The following BCAT1 variants were observed in gnomAD, a reference collection of about 807,000 sequenced individuals.
BCAT1 encodes branched chain amino acid transaminase 1.
A neutral mutation model predicts 52.4 loss-of-function variants in BCAT1; 48 were observed. The observed-to-expected ratio is 0.92, with a 90% confidence interval of 0.73 to 1.16. The LOEUF is 1.16. BCAT1 is among the 50% of genes most tolerant of loss of function. BCAT1 has a pLI of 0.00. For synonymous variants in BCAT1, 167 were observed against 161.3 expected (o/e 1.04, Z -0.27); for missense variants, 451 against 457.1 (o/e 0.99, Z 0.12).
At chr12:24,866,171 C>T (rs890205102) in intron 5 of BCAT1, among the ~76,000 whole-genome samples, 3 of 152,176 alleles carry the variant, frequency 2.0e-5, no homozygotes, top group African/African-American at 4.8e-5. Flanking sequence ...ACATTCGGAG[C>T]GACCGGCTGG....
chr12:24,831,677 T>C (rs958939351), intron 9 of BCAT1, among the ~76,000 whole-genome samples: 1 of 152,196 alleles, frequency 6.6e-6, no homozygotes, highest in Non-Finnish European at 1.5e-5. Flanking sequence ...AAAAGTTGTA[T>C]GTGGATTTTT....
chr12:24,939,049 T>C (rs1331341761), intron 1 of BCAT1, among the ~76,000 whole-genome samples: 2 of 152,144 alleles, frequency 1.3e-5, no homozygotes, highest in African/African-American at 4.8e-5. Flanking sequence ...AATTTTTGTA[T>C]GTTTAGTAGA....
rs77920285 is a variant in BCAT1, at chr12:24,889,667, T to C, written c.279+4608A>G. 7.4e-3 allele frequency among the ~76,000 whole-genome samples: 1,132 copies of C among 152,322 alleles called. 9 individuals are homozygous for C. Among genetic ancestry groups the C allele is most frequent in the African/African-American group, 0.026 (1,096 of 41,580 alleles). On this transcript the variant is annotated intron_variant, in intron 3 of 10. Coordinates refer to ENST00000261192, the MANE Select transcript of BCAT1 (RefSeq NM_005504.7). ...AGGAAGCAGAATCTCTCTGACCTTC[T>C]CCTGCCCTCCTTTCTAACTGTGAGT...
At position 24,811,471 on chromosome 12, in the gene BCAT1, C is replaced by A. The variant is rs913370281; in HGVS notation, c.*6537G>T. ...CTATTGCCAGCAAAATACAATTATT[C>A]CATGCCCTCTCAACATACAAATATA... On this transcript the variant is annotated 3_prime_UTR_variant, in exon 11 of 11. Transcript: ENST00000261192. 3.3e-5 allele frequency: 5 copies of A among 152,058 alleles called. No homozygotes were observed. The highest frequency in any genetic ancestry group is 1.2e-4 in the African/African-American group (5 of 41,396). 9.4% of individuals were successfully genotyped at this position (152,058 alleles called of 1,614,324 possible).
chr12:24,903,124 C>A (rs1290706764), intron 1 of BCAT1: 1 of 1,319,412 alleles, frequency 7.6e-7, no homozygotes, highest in Non-Finnish European at 9.6e-7. Flanking sequence ...TGGGGCCGCG[C>A]GCCAGGGCCA....
At chr12:24,943,469 G>A (rs1267370062) in intron 1 of BCAT1, among the ~76,000 whole-genome samples, 1 of 120,542 alleles carries the variant, frequency 8.3e-6, no homozygotes, top group African/African-American at 2.9e-5. Context: ...CTCCAGCCTA[G>A]GTGACAGAAT....
intron 1 of BCAT1, among the ~76,000 whole-genome samples, chr12:24,937,549 T>A (rs1943780243): frequency 6.6e-6 from 1 of 152,186 alleles, no homozygotes; most frequent in African/African-American, 2.4e-5. Flanking sequence ...AGGGTGTCAC[T>A]CTGTAGCCCA....
chr12:24,901,226 C>T (rs1943094150), intron 2 of BCAT1, among the ~76,000 whole-genome samples: 1 of 152,138 alleles, frequency 6.6e-6, no homozygotes, highest in Non-Finnish European at 1.5e-5. Flanking sequence ...GTGACTCAAA[C>T]AGGCAGAAGA....
intron 5 of BCAT1, among the ~76,000 whole-genome samples, chr12:24,859,766 T>A (rs1941799668): frequency 6.6e-6 from 1 of 152,140 alleles, no homozygotes. Flanking sequence ...CTTTCCAAAA[T>A]CAAATTCTAT....
At chr12:24,853,463 A>G (rs949938286) in intron 5 of BCAT1, among the ~76,000 whole-genome samples, 3 of 152,194 alleles carry the variant, frequency 2.0e-5, no homozygotes, top group African/African-American at 4.8e-5. Flanking sequence ...GGGGGAGGGG[A>G]AAAGTGTTTA....
intron 1 of BCAT1, chr12:24,904,601 C>T (rs1229808840): frequency 6.6e-6 from 1 of 152,314 alleles, no homozygotes. Context: ...TTTGTTCCTG[C>T]CAATGGTTTT....
At chr12:24,836,630 T>C in intron 7 of BCAT1, 34 bp from the exon 8 acceptor site, 2 of 1,539,734 alleles carry the variant, frequency 1.3e-6, no homozygotes, top group Non-Finnish European at 1.8e-6. Context: ...TTTCAAACTT[T>C]CACTACATTA....
At chr12:24,929,411 A>G (rs1565502950) in intron 1 of BCAT1, among the ~76,000 whole-genome samples, 1 of 152,234 alleles carries the variant, frequency 6.6e-6, no homozygotes, top group African/African-American at 2.4e-5. Context: ...TGACCAGAAT[A>G]TGCCACATCA....
intron 1 of BCAT1, 83 bp from the exon 2 acceptor site, chr12:24,901,968 T>C (rs773957869): frequency 3.1e-6 from 5 of 1,610,444 alleles, no homozygotes; most frequent in Non-Finnish European, 4.2e-6. Context: ...CTCACCATGA[T>C]ACCGTGCGCT....
chr12:24,920,487 G>A (rs1464562200), intron 1 of BCAT1, among the ~76,000 whole-genome samples: 4 of 151,306 alleles, frequency 2.6e-5, no homozygotes, highest in African/African-American at 9.7e-5. Flanking sequence ...TTTATTTTTG[G>A]AGTGTTTCTA....
At chr12:24,864,376 C>A (rs1459486696) in intron 5 of BCAT1, among the ~76,000 whole-genome samples, 2 of 152,156 alleles carry the variant, frequency 1.3e-5, no homozygotes, top group Admixed American at 6.5e-5. Context: ...ATATACCCAA[C>A]AACCCCAGCT....
chr12:24,824,225 T>A (rs561659288), intron 10 of BCAT1, among the ~76,000 whole-genome samples: 2 of 151,178 alleles, frequency 1.3e-5, no homozygotes, highest in Non-Finnish European at 2.9e-5. Flanking sequence ...ATCAAATGAG[T>A]TTACATTTCC....
chr12:24,854,053 G>A (rs551536330), intron 5 of BCAT1, among the ~76,000 whole-genome samples: 1 of 152,140 alleles, frequency 6.6e-6, no homozygotes, highest in African/African-American at 2.4e-5. Context: ...CATATACAAG[G>A]GTTTTTAAAT....
In BCAT1 at chr12:24,817,750, C is replaced by A; in HGVS notation, c.*258G>T. ...GGCACTAAAATCATTGAGGAAAATCCCATGTTATATGGCTTACATTAATGT... is the reference window on the plus strand; with the variant it reads ...GGCACTAAAATCATTGAGGAAAATCACATGTTATATGGCTTACATTAATGT... On this transcript the variant is annotated 3_prime_UTR_variant, in exon 11 of 11. Coordinates refer to ENST00000261192, the MANE Select transcript of BCAT1 (RefSeq NM_005504.7). 2.4e-6 allele frequency: 1 copy of A among 413,970 alleles called. No homozygotes were observed. The highest frequency in any genetic ancestry group is 3.7e-5 in the East Asian group (1 of 27,148). The allele number at this position is 413,970 out of a possible 1,614,324, so 25.6% of individuals were successfully genotyped here.
Sources: allele counts gnomAD v4.1 joint callset (sites outside exome capture counted in the v4.1 genomes callset), GRCh38; gene constraint gnomAD v4.1.1; transcripts MANE v1.5; gene names NCBI Gene and HGNC (gene_info 2026-07-23, HGNC 2026-07-21).